The following TCF12 variants were observed in gnomAD, a reference collection of about 807,000 sequenced individuals.
The protein encoded by TCF12 is DNA-binding protein HTF4.
TCF12 carries 45 observed loss-of-function variants against 86.0 expected under a neutral mutation model. The ratio of observed to expected loss-of-function variants is 0.52; its 90% CI spans 0.41 to 0.67. The LOEUF (loss-of-function observed/expected upper bound fraction) is 0.67, where lower values mean the gene tolerates loss of function less well. TCF12 is among the 30% of genes least tolerant of loss of function. TCF12 has a pLI of 0.00. For missense variants in TCF12, 881 were observed against 859.9 expected, an observed-to-expected ratio of 1.02 and a Z score of -0.31; for synonymous variants, 330 against 299.6, an observed-to-expected ratio of 1.10 and a Z score of -1.05.
intron 5 of TCF12, among the ~76,000 whole-genome samples, chr15:57,147,677 C>A (rs2053452906): frequency 6.6e-6 from 1 of 151,896 alleles, no homozygotes; most frequent in Non-Finnish European, 1.5e-5. Flanking sequence ...ACAGAAAATG[C>A]AAAGGAGTTT....
intron 16 of TCF12, among the ~76,000 whole-genome samples, chr15:57,256,596 T>C (rs2060360260): frequency 7.0e-6 from 1 of 142,064 alleles, no homozygotes. Flanking sequence ...CTTATAACTT[T>C]CCAGAAGTTT....
intron 5 of TCF12, among the ~76,000 whole-genome samples, chr15:57,156,876 T>C (rs1408319159): frequency 2.0e-5 from 3 of 152,236 alleles, no homozygotes; most frequent in African/African-American, 7.2e-5. Flanking sequence ...CTGCTTATCA[T>C]TGTATAATGC....
At chr15:57,244,695 A>G (rs1171499664) in intron 13 of TCF12, among the ~76,000 whole-genome samples, 2 of 151,784 alleles carry the variant, frequency 1.3e-5, no homozygotes, top group Non-Finnish European at 2.9e-5. Flanking sequence ...TCGTGACTTC[A>G]AGTGATCCAC....
intron 3 of TCF12, among the ~76,000 whole-genome samples, chr15:56,939,967 GT>G (rs67832685): frequency 0.07 from 7,328 of 104,230 alleles, 227 homozygotes; most frequent in African/African-American, 0.17. Context: ...TTAATAGCGT[GT>G]TTTTTTTTTT....
intron 6 of TCF12, among the ~76,000 whole-genome samples, chr15:57,173,320 C>G (rs2055663008): frequency 6.6e-6 from 1 of 152,028 alleles, no homozygotes; most frequent in Non-Finnish European, 1.5e-5. Context: ...CAGTGAATGA[C>G]CAAGATTCTG....
chr15:56,941,827 T>C (rs1476068058), intron 3 of TCF12, among the ~76,000 whole-genome samples: 1 of 152,126 alleles, frequency 6.6e-6, no homozygotes, highest in Non-Finnish European at 1.5e-5. Flanking sequence ...TATATCAGTC[T>C]GGAGGTATGA....
chr15:56,920,921 TC>T (rs2059762921), intron 2 of TCF12, 104 bp from the exon 3 acceptor site: 1 of 771,060 alleles, frequency 1.3e-6, no homozygotes, highest in East Asian at 3.1e-5. Context: ...TATTTTAACT[TC>T]CCTCTGAAAT....
chr15:56,928,495 CA>C (rs1688180738), intron 3 of TCF12, among the ~76,000 whole-genome samples: 2 of 152,068 alleles, frequency 1.3e-5, no homozygotes, highest in Admixed American at 6.6e-5. Context: ...GGAAGTGAGG[CA>C]ATACCCCTAC....
intron 8 of TCF12, among the ~76,000 whole-genome samples, chr15:57,223,048 A>C (rs764616687): frequency 6.6e-6 from 1 of 152,006 alleles, no homozygotes; most frequent in African/African-American, 2.4e-5. Flanking sequence ...GAAAAAAAAG[A>C]AACTAATTTG....
At chr15:56,919,621 C>T (rs2059679991) in intron 1 of TCF12, 3 of 273,826 alleles carry the variant, frequency 1.1e-5, no homozygotes, top group Non-Finnish European at 1.4e-5. Flanking sequence ...GTGGCAGAGA[C>T]TGGCTCGGAA....
intron 3 of TCF12, among the ~76,000 whole-genome samples, chr15:56,988,184 C>T (rs1275161764): frequency 1.3e-5 from 2 of 152,094 alleles, no homozygotes; most frequent in African/African-American, 4.8e-5. Flanking sequence ...AAAATATAGT[C>T]ATGTGTCACT....
chr15:56,928,681 G>A (rs1451631673), intron 3 of TCF12, among the ~76,000 whole-genome samples: 6 of 152,146 alleles, frequency 3.9e-5, no homozygotes, highest in Non-Finnish European at 8.8e-5. Context: ...ACTTTGTAGA[G>A]TGCAGAATAA....
At chr15:57,028,665 G>A (rs1245135942) in intron 3 of TCF12, among the ~76,000 whole-genome samples, 1 of 152,040 alleles carries the variant, frequency 6.6e-6, no homozygotes, top group Admixed American at 6.6e-5. Context: ...AGGGGCATTA[G>A]GATTTTATTT....
chr15:57,023,289 A>C (rs1452350739), intron 3 of TCF12, among the ~76,000 whole-genome samples: 1 of 152,196 alleles, frequency 6.6e-6, no homozygotes, highest in Non-Finnish European at 1.5e-5. Context: ...AAATACTTGT[A>C]GGTACTTTAT....
At chr15:56,975,375 A>G (rs981225540) in intron 3 of TCF12, among the ~76,000 whole-genome samples, 1 of 152,206 alleles carries the variant, frequency 6.6e-6, no homozygotes, top group African/African-American at 2.4e-5. Context: ...CATTTAAAAT[A>G]GTTAATGATA....
At chr15:57,158,733 G>A (rs1275909567) in intron 5 of TCF12, among the ~76,000 whole-genome samples, 1 of 152,186 alleles carries the variant, frequency 6.6e-6, no homozygotes, top group Non-Finnish European at 1.5e-5. Flanking sequence ...GGATCCTGTG[G>A]TTTATCACTA....
intron 5 of TCF12, chr15:57,109,294 G>GCTAA (rs2050333129): frequency 6.6e-6 from 1 of 152,078 alleles, no homozygotes; most frequent in African/African-American, 2.4e-5. Context: ...CGCTAAAAGG[G>GCTAA]CTAAGATGTC....
At chr15:57,172,283 A>G (rs1317486835) in intron 6 of TCF12, among the ~76,000 whole-genome samples, 1 of 152,218 alleles carries the variant, frequency 6.6e-6, no homozygotes, top group Non-Finnish European at 1.5e-5. Context: ...AAACAAATTG[A>G]CAATCATGCT....
chr15:56,940,496 C>T (rs867170169), intron 3 of TCF12, among the ~76,000 whole-genome samples: 3 of 99,780 alleles, frequency 3.0e-5, no homozygotes, highest in African/African-American at 7.7e-5. Context: ...TCCTCCTCCT[C>T]CTCCTTCTTC....
Sources: gnomAD v4.1 joint callset for allele counts (sites outside exome capture counted in the v4.1 genomes callset) on GRCh38, gnomAD v4.1.1 for gene constraint, MANE v1.5 for transcripts, NCBI Gene and HGNC (gene_info 2026-07-23, HGNC 2026-07-21) for gene names.